MTCL3: variants seen among roughly 807,000 people sequenced by gnomAD.
The protein encoded by MTCL3 is microtubule cross-linking factor 3.
chr6:127,481,940 A>G, the MTCL3 span, among the ~76,000 whole-genome samples: 1 of 152,210 alleles, frequency 6.6e-6, no homozygotes, highest in South Asian at 2.1e-4. Flanking sequence ...AAAACCGGGA[A>G]TGACCTCTGG....
At chr6:127,498,908 G>A in the MTCL3 span, among the ~76,000 whole-genome samples, 2 of 152,144 alleles carry the variant, frequency 1.3e-5, no homozygotes, top group Admixed American at 6.5e-5. Flanking sequence ...GCTGATTGGG[G>A]TTAGAGCTAA....
the MTCL3 span, among the ~76,000 whole-genome samples, chr6:127,487,081 A>T: frequency 2.0e-5 from 3 of 152,156 alleles, no homozygotes; most frequent in African/African-American, 7.2e-5. Context: ...ATATGTATCT[A>T]CTCATTCAGA....
chr6:127,485,245 G>A, the MTCL3 span, among the ~76,000 whole-genome samples: 1 of 151,982 alleles, frequency 6.6e-6, no homozygotes, highest in African/African-American at 2.4e-5. Context: ...CTAGAATCTG[G>A]TGCATGAGTA....
At chr6:127,476,433 A>T in the MTCL3 span, 1 of 1,607,812 alleles carries the variant, frequency 6.2e-7, no homozygotes, top group African/African-American at 1.3e-5. The surrounding 1 kb of genome is among the most constrained non-coding windows in gnomAD (Gnocchi z 4.4). Context: ...CTTCCTTAAC[A>T]AACTGCAGCT....
the MTCL3 span, among the ~76,000 whole-genome samples, chr6:127,494,615 A>C: frequency 3.3e-5 from 5 of 152,146 alleles, no homozygotes; most frequent in Non-Finnish European, 7.4e-5. Context: ...CTTCTCTGGG[A>C]TTCATCAAGG....
the MTCL3 span, chr6:127,513,121 T>C: frequency 7.3e-7 from 1 of 1,377,946 alleles, no homozygotes; most frequent in Non-Finnish European, 9.8e-7. Context: ...TGTATTCCTA[T>C]TGAAAGCATT....
the MTCL3 span, among the ~76,000 whole-genome samples, chr6:127,500,499 T>C: frequency 8.6e-5 from 13 of 152,006 alleles, no homozygotes; most frequent in African/African-American, 2.4e-5. Flanking sequence ...ATTGATAGCA[T>C]TGAATTGTTT....
the MTCL3 span, among the ~76,000 whole-genome samples, chr6:127,485,253 G>A: frequency 6.6e-6 from 1 of 151,934 alleles, no homozygotes. Flanking sequence ...TGGTGCATGA[G>A]TAGTTAGCCA....
At chr6:127,509,004 T>C in the MTCL3 span, among the ~76,000 whole-genome samples, 1 of 152,230 alleles carries the variant, frequency 6.6e-6, no homozygotes, top group East Asian at 1.9e-4. Context: ...TTACATGACA[T>C]AACTTTAATT....
At chr6:127,507,507 ATCACT>A in the MTCL3 span, among the ~76,000 whole-genome samples, 9 of 152,226 alleles carry the variant, frequency 5.9e-5, no homozygotes, top group Non-Finnish European at 1.3e-4. Flanking sequence ...AATATTAAAG[ATCACT>A]TCAGAGTACA....
chr6:127,476,029 AG>A, the MTCL3 span: 1 of 1,611,634 alleles, frequency 6.2e-7, no homozygotes, highest in Non-Finnish European at 8.5e-7. The surrounding 1 kb of genome is among the most constrained non-coding windows in gnomAD (Gnocchi z 4.4). Context: ...CTGCTCCTCC[AG>A]GTCGGCCACG....
chr6:127,500,906 G>A, the MTCL3 span, among the ~76,000 whole-genome samples: 1 of 152,126 alleles, frequency 6.6e-6, no homozygotes, highest in Admixed American at 6.6e-5. Flanking sequence ...CCACCTCCTG[G>A]GTTCAGGCAA....
chr6:127,508,711 C>T, the MTCL3 span, among the ~76,000 whole-genome samples: 1 of 152,206 alleles, frequency 6.6e-6, no homozygotes, highest in Admixed American at 6.5e-5. Context: ...CTTTGCTCTT[C>T]TGTTGGTGAA....
At chr6:127,475,755 C>G in the MTCL3 span, 3 of 1,603,194 alleles carry the variant, frequency 1.9e-6, no homozygotes, top group South Asian at 2.2e-5. The surrounding 1 kb of genome is among the most constrained non-coding windows in gnomAD (Gnocchi z 7.3). Flanking sequence ...CCTTCTTGCC[C>G]GCGTCGCTCT....
chr6:127,519,302 T>C, the MTCL3 span: 1 of 152,218 alleles, frequency 6.6e-6, no homozygotes. Flanking sequence ...CGGGCGTGAC[T>C]AACATCTCCT....
chr6:127,488,209 A>C, the MTCL3 span, among the ~76,000 whole-genome samples: 1 of 152,002 alleles, frequency 6.6e-6, no homozygotes, highest in East Asian at 1.9e-4. Flanking sequence ...TACTCTCATG[A>C]CCCACTTCCA....
chr6:127,501,096 G>C, the MTCL3 span, among the ~76,000 whole-genome samples: 1 of 152,240 alleles, frequency 6.6e-6, no homozygotes, highest in African/African-American at 2.4e-5. Context: ...ACAGGCATGA[G>C]CCACTGCTCC....
At chr6:127,497,256 C>A in the MTCL3 span, among the ~76,000 whole-genome samples, 1 of 152,208 alleles carries the variant, frequency 6.6e-6, no homozygotes, top group African/African-American at 2.4e-5. Flanking sequence ...ATATTTTCCC[C>A]AGTACATGCA....
chr6:127,475,945 T>A, the MTCL3 span: 1 of 1,612,634 alleles, frequency 6.2e-7, no homozygotes, highest in Non-Finnish European at 8.5e-7. This position sits in a 1 kb window ranked among gnomAD's most constrained non-coding sequence, Gnocchi z 7.3. Context: ...CTTGGCGTTG[T>A]CGTGGTGCCG....
Sources: allele counts gnomAD v4.1 joint callset (sites outside exome capture counted in the v4.1 genomes callset), GRCh38; gene constraint gnomAD v4.1.1; non-coding constraint Gnocchi (gnomAD v3.1); transcripts MANE v1.5; gene names NCBI Gene and HGNC (gene_info 2026-07-23, HGNC 2026-07-21).